The following ZNF75D variants were observed in gnomAD, a reference collection of about 807,000 sequenced individuals.
ZNF75D encodes the protein zinc finger protein 75.
Under a neutral mutation model 33.3 loss-of-function variants are expected in ZNF75D, and 33 were observed. That is an observed-to-expected ratio of 0.99 (90% confidence interval 0.75 to 1.32). The LOEUF (loss-of-function observed/expected upper bound fraction) is 1.32, where lower values mean the gene tolerates loss of function less well. Among genes scored for constraint, ZNF75D ranks in the 40% most tolerant of loss-of-function variants. The probability of loss-of-function intolerance (pLI) is 0.00; values close to 1 mark genes in which losing one functional copy is unlikely to be tolerated. For synonymous variants in ZNF75D, 113 were observed against 130.6 expected (o/e 0.87, Z 0.92); for missense variants, 338 against 367.5 (o/e 0.92, Z 0.66).
chrX:135,278,088 C>A (rs1055207339), intron 1 of ZNF75D, among the ~76,000 whole-genome samples: 26 of 111,516 alleles, frequency 2.3e-4, no homozygotes, highest in African/African-American at 8.1e-4. Flanking sequence ...GGCAGTATGG[C>A]CATTTTCACA....
chrX:135,336,826 G>A (rs1208350757), intron 1 of ZNF75D, among the ~76,000 whole-genome samples: 5 of 112,220 alleles, frequency 4.5e-5, no homozygotes, highest in Admixed American at 2.8e-4. Flanking sequence ...CCTTTGTTCG[G>A]GGATCCCTTG....
chrX:135,258,913 T>G (rs1556414999), intron 1 of ZNF75D, among the ~76,000 whole-genome samples: 1 of 112,137 alleles, frequency 8.9e-6, no homozygotes, highest in Non-Finnish European at 1.9e-5. Flanking sequence ...CCTTCAAGGG[T>G]TTTTACGGTT....
In ZNF75D at chrX:135,342,541, T is replaced by A. The variant is rs1364545416; in HGVS notation, c.-1164A>T. The A allele has an allele frequency of 5.4e-5, 6 of 111,891 alleles. No individual in the cohort carries two copies. The highest frequency in any genetic ancestry group is 2.0e-4 in the African/African-American group (6 of 30,618). The allele number at this position is 111,891 out of a possible 1,213,427, so 9.2% of individuals were successfully genotyped here. ...GGTGTGGGGAGAAAGCCCATTTCAG[T>A]ACACACATGTCCCCCATAGGTCTTC... On this transcript the variant is annotated 5_prime_UTR_variant, in exon 1 of 7. Transcript: ENST00000370766.
At chrX:135,309,821 G>A (rs1372765135) in intron 1 of ZNF75D, among the ~76,000 whole-genome samples, 5 of 111,913 alleles carry the variant, frequency 4.5e-5, no homozygotes, top group African/African-American at 1.3e-4. Flanking sequence ...TGGGTTGGAT[G>A]TGTGTTTGCT....
intron 1 of ZNF75D, among the ~76,000 whole-genome samples, chrX:135,272,014 G>A (rs1237670488): frequency 9.0e-6 from 1 of 110,715 alleles, no homozygotes; most frequent in African/African-American, 3.3e-5. Context: ...CAGCTGATCT[G>A]GCTGACATGG....
intron 1 of ZNF75D, chrX:135,298,610 T>C (rs1367996326): frequency 1.8e-5 from 2 of 112,065 alleles, no homozygotes; most frequent in Non-Finnish European, 3.8e-5. Context: ...TAAATTATGA[T>C]ATAATTCACA....
At chrX:135,264,750 G>A (rs1397623428) in intron 1 of ZNF75D, among the ~76,000 whole-genome samples, 1 of 111,234 alleles carries the variant, frequency 9.0e-6, no homozygotes, top group Non-Finnish European at 1.9e-5. Flanking sequence ...ATGACATCAT[G>A]AAGAATGCAT....
chrX:135,341,160 T>C (rs2084779124), intron 1 of ZNF75D, among the ~76,000 whole-genome samples: 1 of 111,427 alleles, frequency 9.0e-6, no homozygotes, highest in Non-Finnish European at 1.9e-5. Flanking sequence ...ATCACCAAAA[T>C]AGTCCTAGCC....
chrX:135,319,067 A>C lies in ZNF75D; in HGVS notation c.-391+22701T>G, dbSNP rs782385732. Reference sequence around the variant, plus strand: ...GTGACTGAGTCCCATGGCCATTGCTACTTGGTTTGATACTTGTCACCTCAC... The same window carrying C: ...GTGACTGAGTCCCATGGCCATTGCTCCTTGGTTTGATACTTGTCACCTCAC... On this transcript the variant is annotated intron_variant, in intron 1 of 6. Coordinates refer to ENST00000370766, the MANE Select transcript of ZNF75D (RefSeq NM_007131.5). 2.7e-5 allele frequency among the ~76,000 whole-genome samples: 3 copies of C among 111,270 alleles called. No homozygotes were observed. In the East Asian group the frequency reaches 8.5e-4, roughly 32 times the overall value.
intron 1 of ZNF75D, chrX:135,327,659 A>G (rs1249814466): frequency 1.8e-5 from 2 of 111,982 alleles, no homozygotes; most frequent in African/African-American, 6.5e-5. Flanking sequence ...GGCTCATGCA[A>G]AATCTGTTAA....
At position 135,293,976 on chromosome X, in the gene ZNF75D, G is replaced by C. The variant is rs200974189; in HGVS notation, c.165C>G (p.Phe55Leu). 2.9e-5 allele frequency: 35 copies of C among 1,210,230 alleles called. No individual in the cohort carries two copies. Among genetic ancestry groups the C allele is most frequent in the Admixed American group, 2.2e-5 (1 of 45,882 alleles). Residue 55 changes from phenylalanine to leucine, a missense_variant, in exon 3 of 7, where the codon TTC becomes TTG. Around this residue, in one of 3 missense-constraint regions of ZNF75D, gnomAD observed 254 missense variants for 267.7 expected, o/e 0.95. Coordinates refer to ENST00000370766, the MANE Select transcript of ZNF75D (RefSeq NM_007131.5). The part of the protein sequence containing the change: ...PESACRHFWS[F>L]RYHEATGPLE... ...GCGGTCCGGTTGCTTCATGATAACGGAAGCTCCAGAAGTGCCTGCAAGCGC... is the reference window on the plus strand; with the variant it reads ...GCGGTCCGGTTGCTTCATGATAACGCAAGCTCCAGAAGTGCCTGCAAGCGC...
intron 3 of ZNF75D, 103 bp from the exon 4 acceptor site, chrX:135,292,576 A>G (rs1406324954): frequency 3.3e-5 from 21 of 633,378 alleles, no homozygotes; most frequent in Non-Finnish European, 4.5e-5. Context: ...GGAATGCATG[A>G]CATTAGAGAA....
chrX:135,310,448 G>T lies in ZNF75D; in HGVS notation c.-390-14409C>A, dbSNP rs782398573. ...AAGTGAGAGCTAAAGCTGAAGAGGG[G>T]ACAGGGAGAGCAAAGAGGTCAGAGC... On this transcript the variant is annotated intron_variant, in intron 1 of 6. Transcript: ENST00000370766. Among the ~76,000 whole-genome samples the T allele has an allele frequency of 4.5e-5, 5 of 112,196 alleles. No individual in the cohort carries two copies. The South Asian group carries it at 1.9e-3, about 42-fold the overall frequency.
chrX:135,339,555 C>T (rs189353029), intron 1 of ZNF75D, among the ~76,000 whole-genome samples: 3 of 112,270 alleles, frequency 2.7e-5, no homozygotes, highest in African/African-American at 9.7e-5. Flanking sequence ...CATTATGCTC[C>T]GGAATTCCCA....
chrX:135,287,047 T>C lies in ZNF75D; in HGVS notation c.*90A>G, dbSNP rs1569488215. ...TGTAACATGTACCCTTCCCAAATGT[T>C]TTATTAATCACAGATTCCTATCATT... On this transcript the variant is annotated 3_prime_UTR_variant, in exon 7 of 7. Coordinates refer to ENST00000370766, the MANE Select transcript of ZNF75D (RefSeq NM_007131.5). The C allele has an allele frequency of 6.4e-6, 5 of 784,047 alleles. No individual in the cohort carries two copies. The highest frequency in any genetic ancestry group is 9.4e-6 in the Non-Finnish European group (5 of 532,939). 64.6% of individuals were successfully genotyped at this position (784,047 alleles called of 1,213,427 possible). A position where few individuals can be genotyped will look rare whatever the true frequency, so the allele number is the denominator to read the frequency against.
chrX:135,307,211 C>T (rs1237957128), intron 1 of ZNF75D, among the ~76,000 whole-genome samples: 2 of 111,738 alleles, frequency 1.8e-5, no homozygotes, highest in Admixed American at 9.5e-5. Flanking sequence ...ACACTGAACA[C>T]AGCCTCAGGG....
chrX:135,271,976 C>T, intron 1 of ZNF75D, among the ~76,000 whole-genome samples: 1 of 111,018 alleles, frequency 9.0e-6, no homozygotes, highest in Non-Finnish European at 1.9e-5. Context: ...AGAACTGAAT[C>T]TCATTTGGTT....
intron 1 of ZNF75D, among the ~76,000 whole-genome samples, chrX:135,313,027 TTTAG>T (rs1375105289): frequency 8.9e-6 from 1 of 112,136 alleles, no homozygotes; most frequent in Non-Finnish European, 1.9e-5. Flanking sequence ...CTCTTTTTGC[TTTAG>T]TTGTCTGTGC....
intron 1 of ZNF75D, among the ~76,000 whole-genome samples, chrX:135,314,180 T>C (rs1371851397): frequency 1.8e-5 from 2 of 112,232 alleles, no homozygotes; most frequent in Non-Finnish European, 3.8e-5. Context: ...GCACAGTTTG[T>C]TGTGAGTTTT....
Sources: gnomAD v4.1 joint callset for allele counts (sites outside exome capture counted in the v4.1 genomes callset) on GRCh38, gnomAD v4.1.1 for gene constraint, gnomAD v4.1.1 regional missense constraint, MANE v1.5 for transcripts, NCBI Gene and HGNC (gene_info 2026-07-23, HGNC 2026-07-21) for gene names.